The following CSDE1 variants were observed in gnomAD, a reference collection of about 807,000 sequenced individuals.
The protein encoded by CSDE1 is cold shock domain containing E1, also known as cold shock domain-containing protein E1.
CSDE1 carries 17 observed loss-of-function variants against 89.3 expected under a neutral mutation model. The ratio of observed to expected loss-of-function variants is 0.19; its 90% CI spans 0.13 to 0.29. CSDE1 has a LOEUF of 0.29. Among genes scored for constraint, CSDE1 ranks in the 10% least tolerant of loss-of-function variants. The pLI is 1.00. For synonymous variants in CSDE1, 322 were observed against 332.8 expected, an observed-to-expected ratio of 0.97 and a Z score of 0.35; for missense variants, 672 against 984.2, an observed-to-expected ratio of 0.68 and a Z score of 4.24.
intron 16 of CSDE1, among the ~76,000 whole-genome samples, chr1:114,721,175 T>A (rs1570891063): frequency 6.6e-6 from 1 of 151,410 alleles, no homozygotes; most frequent in Non-Finnish European, 1.5e-5. Flanking sequence ...CCCCACCTCC[T>A]TTTTTTTTGT....
chr1:114,749,197 A>T (rs964506683), intron 2 of CSDE1, among the ~76,000 whole-genome samples: 9 of 152,198 alleles, frequency 5.9e-5, no homozygotes, highest in African/African-American at 2.2e-4. Context: ...CCAAGGGAAC[A>T]GCTTCAGTTA....
At position 114,723,944 on chromosome 1, in the gene CSDE1, G is replaced by A. The variant is rs148254828; in HGVS notation, c.1812C>T (p.Pro604=). The A allele has an allele frequency of 2.7e-4, 433 of 1,613,872 alleles. 1 individual carries two copies. The highest frequency in any genetic ancestry group is 3.3e-4 in the Non-Finnish European group (391 of 1,179,952). The part of the protein sequence containing the change: ...PTIYSGKVIR[P]LRSVDPTQTE... Reference sequence around the variant, plus strand: ...TCTGTGTTGGATCAACACTCCTCAGGGGGCGAATTACTTTGCCAGAGTAAA... The same window carrying A: ...TCTGTGTTGGATCAACACTCCTCAGAGGGCGAATTACTTTGCCAGAGTAAA... The change falls in exon 16 of 20, where the codon CCC becomes CCT. Residue 604 remains proline (P), a synonymous_variant. Coordinates refer to ENST00000358528, the MANE Select transcript of CSDE1 (RefSeq NM_001007553.3).
rs796775272 is a variant in CSDE1 at position 114,723,367 on chromosome 1, G to A, written c.1873+516C>T. 6.6e-5 allele frequency among the ~76,000 whole-genome samples: 10 copies of A among 152,158 alleles called. No homozygotes were observed. The South Asian group carries it at 1.9e-3, about 28-fold the overall frequency. ...TCTGGGAATTCTTGAAGATAGATGG[G>A]GAAAAAAGAAGAAGAAAGTAGAGAA... On this transcript the variant is annotated intron_variant, in intron 16 of 19. Transcript: ENST00000358528.
chr1:114,738,586 C>CAA (rs1282238874), intron 3 of CSDE1, among the ~76,000 whole-genome samples: 1 of 147,340 alleles, frequency 6.8e-6, no homozygotes, highest in Non-Finnish European at 1.5e-5. Flanking sequence ...ACTCTTTTCT[C>CAA]AAACGTTTTT....
At chr1:114,732,401 A>G (rs1401067863) in intron 10 of CSDE1, among the ~76,000 whole-genome samples, 1 of 152,160 alleles carries the variant, frequency 6.6e-6, no homozygotes, top group African/African-American at 2.4e-5. Flanking sequence ...TCCATTCAAA[A>G]AATTTTTTCA....
intron 5 of CSDE1, among the ~76,000 whole-genome samples, chr1:114,737,112 T>C (rs1485752507): frequency 2.0e-5 from 3 of 152,030 alleles, no homozygotes; most frequent in African/African-American, 2.4e-5. Context: ...CCAGAGACTA[T>C]AGTTACATTT....
intron 1 of CSDE1, among the ~76,000 whole-genome samples, chr1:114,753,943 T>C (rs992299217): frequency 7.2e-5 from 11 of 152,120 alleles, no homozygotes; most frequent in South Asian, 2.1e-4. Context: ...AAACCCACCA[T>C]AGGGTACCAA....
At chr1:114,738,233 G>GA (rs1392432584) in intron 3 of CSDE1, among the ~76,000 whole-genome samples, 161 bp from the exon 4 acceptor site, 2 of 152,166 alleles carry the variant, frequency 1.3e-5, no homozygotes, top group Non-Finnish European at 2.9e-5. Context: ...GAGCTTAAAA[G>GA]AAATACTGGG....
At chr1:114,732,931 G>A (rs755549139) in intron 9 of CSDE1, 115 bp from the exon 10 acceptor site, 21 of 833,734 alleles carry the variant, frequency 2.5e-5, no homozygotes, top group South Asian at 6.8e-5. Flanking sequence ...TCCCTGAAGC[G>A]AAAAAAGGTG....
chr1:114,726,858 G>T, intron 13 of CSDE1, 125 bp downstream of exon 13: 1 of 610,166 alleles, frequency 1.6e-6, no homozygotes. Context: ...AGATATTCAT[G>T]TATTTCTCTT....
At chr1:114,742,530 C>T (rs187476653) in intron 2 of CSDE1, among the ~76,000 whole-genome samples, 76 of 152,126 alleles carry the variant, frequency 5.0e-4, no homozygotes, top group South Asian at 1.2e-3. Context: ...TGCAGTGAGC[C>T]GAAATTGTGC....
chr1:114,720,795 C>A, intron 16 of CSDE1, 78 bp from the exon 17 acceptor site: 1 of 1,267,694 alleles, frequency 7.9e-7, no homozygotes, highest in Non-Finnish European at 1.1e-6. Flanking sequence ...GTTTATATAA[C>A]TGCTAAAAAT....
intron 12 of CSDE1, among the ~76,000 whole-genome samples, chr1:114,728,914 A>G (rs1570908501): frequency 6.6e-6 from 1 of 152,304 alleles, no homozygotes; most frequent in East Asian, 1.9e-4. Context: ...TCACTTGTCT[A>G]TAGTCACTAT....
At chr1:114,751,049 G>A (rs372768392) in intron 1 of CSDE1, among the ~76,000 whole-genome samples, 3 of 152,296 alleles carry the variant, frequency 2.0e-5, no homozygotes, top group Admixed American at 6.5e-5. Context: ...AGCGGAGCCC[G>A]ATTATGAAGC....
At chr1:114,754,404 A>G (rs148550583) in intron 1 of CSDE1, among the ~76,000 whole-genome samples, 157 of 152,392 alleles carry the variant, frequency 1.0e-3, no homozygotes, top group African/African-American at 3.6e-3. Flanking sequence ...TTTATGTGGT[A>G]AGTAATCCAT....
Position 114,717,650 on chromosome 1 carries a change from T to G in CSDE1, c.*519A>C, listed in dbSNP as rs563584650. The G allele has an allele frequency of 6.5e-6, 1 of 152,830 alleles. No individual in the cohort carries two copies. The highest frequency in any genetic ancestry group is 2.1e-4 in the South Asian group (1 of 4,830). The allele number at this position is 152,830 out of a possible 1,614,324, so 9.5% of individuals were successfully genotyped here. A position where few individuals can be genotyped will look rare whatever the true frequency, so the allele number is the denominator to read the frequency against. ...TCAACTTTAAGAAATGGTTTGCCTA[T>G]ACAAATTTTTGTAATTTTTAAAAGA... On this transcript the variant is annotated 3_prime_UTR_variant, in exon 20 of 20. Coordinates refer to ENST00000358528, the MANE Select transcript of CSDE1 (RefSeq NM_001007553.3).
Position 114,734,470 on chromosome 1 carries a change from C to T in CSDE1, c.554G>A (p.Arg185His), listed in dbSNP as rs754952923. Residue 185 changes from arginine (R) to histidine (H), a missense_variant, in exon 7 of 20, where the codon CGC becomes CAC. By Grantham distance (29) the Arg-to-His change is conservative. This residue lies in a region of CSDE1 where 124 missense variants were observed against 138.7 expected (regional missense o/e 0.89). Coordinates refer to ENST00000358528, the MANE Select transcript of CSDE1 (RefSeq NM_001007553.3). ...CATGGCACAAACTACTCCCTGACAG[C>T]GGGCTTGTTTCTTTTTCAACAGCAT... ...NIMLLKKKQA[R>H]CQGVVCAMKE... 6 of 1,612,450 alleles carry T rather than the reference C, an allele frequency of 3.7e-6. No homozygotes were observed. Among genetic ancestry groups the T allele is most frequent in the African/African-American group, 2.7e-5 (2 of 74,764 alleles).
chr1:114,757,657 C>A lies in CSDE1; in HGVS notation c.-388+268G>T, dbSNP rs962043894. On this transcript the variant is annotated intron_variant, in intron 1 of 19. Coordinates refer to ENST00000358528, the MANE Select transcript of CSDE1 (RefSeq NM_001007553.3). ...AGCCTCCATTTTCGCTCCCTCCCCCCACTTTAGTCACCACCACCACTACCA... is the reference window on the plus strand; with the variant it reads ...AGCCTCCATTTTCGCTCCCTCCCCCAACTTTAGTCACCACCACCACTACCA... 5.9e-5 allele frequency among the ~76,000 whole-genome samples: 9 copies of A among 152,242 alleles called. No individual in the cohort carries two copies. The East Asian group carries it at 7.8e-4, about 13-fold the overall frequency.
In CSDE1 at chr1:114,726,985, T is replaced by C. The variant is rs1319227837; in HGVS notation, c.1462A>G (p.Lys488Glu). 6.3e-7 allele frequency: 1 copy of C among 1,594,796 alleles called. No individual in the cohort carries two copies. The highest frequency in any genetic ancestry group is 1.7e-4 in the Middle Eastern group (1 of 6,024). The change falls in exon 13 of 20, where the codon AAG (lysine) becomes GAG (glutamate). Residue 488 changes from lysine (K) to glutamate (E), a missense_variant and splice_region_variant. By Grantham distance (56) the Lys-to-Glu change is moderately conservative. This residue lies in a region of CSDE1 where 108 missense variants were observed against 105.0 expected (regional missense o/e 1.03). Transcript: ENST00000358528. ...EGSTSPQIGD[K>E]VEFSISDKQR... The stretch of plus-strand genomic sequence containing the variant: ...TCGAATGAGCAGAATTATCTTGCCT[T>C]ATCTCCTATTTGAGGAGAAGTAGAT...
Sources: allele counts gnomAD v4.1 joint callset (sites outside exome capture counted in the v4.1 genomes callset), GRCh38; gene constraint gnomAD v4.1.1; regional missense constraint gnomAD v4.1.1; transcripts MANE v1.5; gene names NCBI Gene and HGNC (gene_info 2026-07-23, HGNC 2026-07-21).